SUSD5: variants seen among roughly 807,000 people sequenced by gnomAD.
The protein encoded by SUSD5 is sushi domain-containing protein 5.
In SUSD5, 33 loss-of-function variants were observed where a neutral mutation model predicts 29.5. That is an observed-to-expected ratio of 1.12 (90% CI 0.85 to 1.49). The LOEUF is 1.49. SUSD5 is among the 40% of genes most tolerant of loss of function. SUSD5 has a pLI of 0.00. For missense variants in SUSD5, 776 were observed against 800.6 expected, an observed-to-expected ratio of 0.97 and a Z score of 0.37; for synonymous variants, 308 against 325.3, an observed-to-expected ratio of 0.95 and a Z score of 0.57.
In SUSD5 at chr3:33,152,925, G is replaced by A. The variant is rs1415636569; in HGVS notation, c.1707C>T (p.Gly569=). 1.2e-6 allele frequency: 2 copies of A among 1,614,002 alleles called. No homozygotes were observed. The highest frequency in any genetic ancestry group is 8.5e-7 in the Non-Finnish European group (1 of 1,179,888). Residue 569 remains glycine (G), a synonymous_variant, in exon 5 of 5, where the codon GGC becomes GGT. Coordinates refer to ENST00000309558, the MANE Select transcript of SUSD5 (RefSeq NM_015551.2). ...TGGCGATCACAGGGCCTCTGCTGAG[G>A]CCAGGACATCCGTCCCCCACACACG... The part of the protein sequence containing the change: ...LESCVGDGCP[G]LSRGPVIATI...
intron 3 of SUSD5, among the ~76,000 whole-genome samples, chr3:33,175,908 A>G (rs4465895): frequency 0.23 from 34,889 of 152,036 alleles, 4,457 homozygotes; most frequent in East Asian, 0.47. Flanking sequence ...TGCACATTCT[A>G]TGGGCTTTGA....
intron 4 of SUSD5, among the ~76,000 whole-genome samples, chr3:33,156,490 G>A (rs1220980495): frequency 6.6e-6 from 1 of 152,164 alleles, no homozygotes; most frequent in Non-Finnish European, 1.5e-5. Flanking sequence ...GATGAGAGGG[G>A]AATCAACTGG....
At chr3:33,183,788 T>A (rs1168739820) in intron 3 of SUSD5, among the ~76,000 whole-genome samples, 2 of 152,106 alleles carry the variant, frequency 1.3e-5, no homozygotes, top group Non-Finnish European at 2.9e-5. Context: ...ACAGGTCTAC[T>A]GGCCACAAAT....
chr3:33,213,328 C>T (rs1294727287), intron 2 of SUSD5, among the ~76,000 whole-genome samples: 1 of 151,498 alleles, frequency 6.6e-6, no homozygotes, highest in African/African-American at 2.4e-5. Flanking sequence ...CATTAGAGCC[C>T]AGGATGTTGA....
chr3:33,154,723 G>A (rs2031011225), intron 4 of SUSD5, among the ~76,000 whole-genome samples: 2 of 151,996 alleles, frequency 1.3e-5, no homozygotes, highest in African/African-American at 2.4e-5. Flanking sequence ...AACAAAAGAT[G>A]TTCAAGACTT....
At chr3:33,156,533 A>C (rs1238233682) in intron 4 of SUSD5, among the ~76,000 whole-genome samples, 1 of 152,212 alleles carries the variant, frequency 6.6e-6, no homozygotes, top group African/African-American at 2.4e-5. Context: ...TGTCCTCAGA[A>C]GACAGCAGCA....
intron 1 of SUSD5, among the ~76,000 whole-genome samples, chr3:33,214,463 C>T (rs1206024735): frequency 6.6e-6 from 1 of 152,116 alleles, no homozygotes; most frequent in Non-Finnish European, 1.5e-5. Flanking sequence ...CACTTGATGA[C>T]TAAGGCACTG....
At chr3:33,209,652 TTTC>T (rs1302015249) in intron 2 of SUSD5, among the ~76,000 whole-genome samples, 3 of 151,260 alleles carry the variant, frequency 2.0e-5, no homozygotes, top group Non-Finnish European at 4.4e-5. Context: ...CTCTTCTTTC[TTTC>T]TTTTCTTTTT....
intron 3 of SUSD5, among the ~76,000 whole-genome samples, chr3:33,200,444 G>T (rs1164091099): frequency 6.6e-6 from 1 of 152,200 alleles, no homozygotes. Flanking sequence ...AAGTTTTGAG[G>T]TGCTAGAATG....
At chr3:33,207,000 T>A (rs1314723142) in intron 3 of SUSD5, among the ~76,000 whole-genome samples, 3 of 152,038 alleles carry the variant, frequency 2.0e-5, no homozygotes, top group African/African-American at 4.8e-5. Flanking sequence ...TGCTTCTCCC[T>A]CCCCATTCAC....
intron 4 of SUSD5, 124 bp downstream of exon 4, chr3:33,174,762 T>C (rs1486445186): frequency 1.9e-6 from 2 of 1,072,398 alleles, no homozygotes; most frequent in Non-Finnish European, 2.7e-6. Flanking sequence ...AGGATAAAGG[T>C]CTGAAAGCCT....
At position 33,152,669 on chromosome 3, in the gene SUSD5, A is replaced by G; in HGVS notation, c.*73T>C. ...CCTCAGTCCACCTGCGTCATGCTCT[A>G]GTGAATTATCGTGTGATGTGTCACA... On this transcript the variant is annotated 3_prime_UTR_variant, in exon 5 of 5. Coordinates refer to ENST00000309558, the MANE Select transcript of SUSD5 (RefSeq NM_015551.2). The G allele has an allele frequency of 6.9e-7, 1 of 1,441,080 alleles. No homozygotes were observed. The highest frequency in any genetic ancestry group is 9.4e-7 in the Non-Finnish European group (1 of 1,068,790). The allele number at this position is 1,441,080 out of a possible 1,614,324, so 89.3% of individuals were successfully genotyped here. A position where few individuals can be genotyped will look rare whatever the true frequency, so the allele number is the denominator to read the frequency against.
At chr3:33,176,582 C>A (rs1010670336) in intron 3 of SUSD5, among the ~76,000 whole-genome samples, 3 of 152,182 alleles carry the variant, frequency 2.0e-5, no homozygotes, top group Non-Finnish European at 1.5e-5. Context: ...TTGTCTTTTG[C>A]AGAACAGAAG....
At chr3:33,187,730 G>A (rs1456892524) in intron 3 of SUSD5, among the ~76,000 whole-genome samples, 3 of 150,418 alleles carry the variant, frequency 2.0e-5, no homozygotes, top group African/African-American at 7.4e-5. Context: ...GTATACATGT[G>A]CCATGTTGGT....
At chr3:33,213,616 A>T (rs971989396) in intron 2 of SUSD5, among the ~76,000 whole-genome samples, 1 of 152,000 alleles carries the variant, frequency 6.6e-6, no homozygotes, top group African/African-American at 2.4e-5. Flanking sequence ...TCTACTAAAA[A>T]TACAAAAATT....
chr3:33,152,962 G>A lies in SUSD5; in HGVS notation c.1670C>T (p.Pro557Leu), dbSNP rs758155951. The change falls in exon 5 of 5, where the codon CCC becomes CTC. Residue 557 changes from proline (P) to leucine (L), a missense_variant. Pro to Leu is a moderately conservative substitution (Grantham distance 98). Coordinates refer to ENST00000309558, the MANE Select transcript of SUSD5 (RefSeq NM_015551.2). ...PGPGASEELH[P>L]TLESCVGDGC... ...GTCCCCCACACACGACTCCAAGGTG[G>A]GATGAAGCTCCTCACTTGCACCTGG... 1.2e-6 allele frequency: 2 copies of A among 1,613,866 alleles called. No homozygotes were observed. The highest frequency in any genetic ancestry group is 2.7e-5 in the African/African-American group (2 of 74,928).
intron 3 of SUSD5, among the ~76,000 whole-genome samples, chr3:33,203,069 C>T (rs566268559): frequency 1.8e-4 from 27 of 152,350 alleles, no homozygotes; most frequent in African/African-American, 5.8e-4. Context: ...CCTACACTCA[C>T]GCGGGAACCT....
intron 3 of SUSD5, among the ~76,000 whole-genome samples, chr3:33,192,092 G>C (rs1249774991): frequency 8.6e-6 from 1 of 116,454 alleles, no homozygotes; most frequent in Non-Finnish European, 1.9e-5. Context: ...TTTTTTTTTT[G>C]AGACAGAGCC....
intron 4 of SUSD5, among the ~76,000 whole-genome samples, chr3:33,161,699 G>A (rs1249873461): frequency 6.6e-6 from 1 of 151,984 alleles, no homozygotes; most frequent in African/African-American, 2.4e-5. Flanking sequence ...AGGCTAACCA[G>A]CAAAAAAGAC....
Sources: allele counts gnomAD v4.1 joint callset (sites outside exome capture counted in the v4.1 genomes callset), GRCh38; gene constraint gnomAD v4.1.1; transcripts MANE v1.5; gene names NCBI Gene and HGNC (gene_info 2026-07-23, HGNC 2026-07-21).